PCDHA2: variants seen among roughly 807,000 people sequenced by gnomAD.
The protein encoded by PCDHA2 is protocadherin alpha-2.
Under a neutral mutation model 66.0 loss-of-function variants are expected in PCDHA2, and 58 were observed. The ratio of observed to expected loss-of-function variants is 0.88; its 90% CI spans 0.71 to 1.09. The LOEUF (loss-of-function observed/expected upper bound fraction) is 1.09, where lower values mean the gene tolerates loss of function less well. PCDHA2 is among the 50% of genes least tolerant of loss of function. The pLI is 0.00. For missense variants in PCDHA2, 1,267 were observed against 1,242.3 expected (o/e 1.02, Z -0.30); for synonymous variants, 634 against 554.0 (o/e 1.14, Z -2.03).
intron 1 of PCDHA2, chr5:140,821,727 A>G: frequency 6.6e-7 from 1 of 1,508,774 alleles, no homozygotes; most frequent in Middle Eastern, 1.8e-4. Flanking sequence ...TTTACAAAAT[A>G]CATTGTGTGG....
rs1354024446 is a variant in PCDHA2 at position 140,846,271 on chromosome 5, C to G, written c.2388+48919C>G. Among the ~76,000 whole-genome samples the G allele has an allele frequency of 2.0e-5, 3 of 148,444 alleles. 1 individual carries two copies. The highest frequency in any genetic ancestry group is 3.0e-5 in the Non-Finnish European group (2 of 66,608). Reference sequence around the variant, plus strand: ...TAATGTTTTGATGATGATTTAAAGTCAATTTATGTTGTAGTTCTATGAATT... The same window carrying G: ...TAATGTTTTGATGATGATTTAAAGTGAATTTATGTTGTAGTTCTATGAATT... On this transcript the variant is annotated intron_variant, in intron 1 of 3. Coordinates refer to ENST00000526136, the MANE Select transcript of PCDHA2 (RefSeq NM_018905.3).
chr5:140,997,675 TG>T (rs1554255972), intron 3 of PCDHA2, among the ~76,000 whole-genome samples: 41 of 151,686 alleles, frequency 2.7e-4, no homozygotes, highest in African/African-American at 9.7e-4. Flanking sequence ...AGCTTGTGTG[TG>T]TGTGTGTGTG....
intron 1 of PCDHA2, chr5:140,825,789 T>C (rs2150076169): frequency 6.6e-6 from 1 of 152,576 alleles, no homozygotes; most frequent in East Asian, 1.9e-4. Flanking sequence ...TATATTTTGG[T>C]TGGGAAATTT....
At chr5:140,827,484 G>A (rs1007754515) in intron 1 of PCDHA2, among the ~76,000 whole-genome samples, 37 of 152,134 alleles carry the variant, frequency 2.4e-4, no homozygotes, top group African/African-American at 8.5e-4. Flanking sequence ...AACAAAGAAA[G>A]CATGGACTTC....
chr5:140,956,464 A>C (rs1340273443), intron 1 of PCDHA2, among the ~76,000 whole-genome samples: 1 of 152,148 alleles, frequency 6.6e-6, no homozygotes, highest in Admixed American at 6.6e-5. Flanking sequence ...ATTGATTTGC[A>C]TATGTTGAAC....
At chr5:141,003,324 C>T (rs909788744) in intron 3 of PCDHA2, among the ~76,000 whole-genome samples, 4 of 152,132 alleles carry the variant, frequency 2.6e-5, no homozygotes, top group African/African-American at 9.7e-5. Flanking sequence ...TTCCAGAGGG[C>T]AGGGTTTTTT....
chr5:140,943,800 A>G (rs1470801059), intron 1 of PCDHA2, among the ~76,000 whole-genome samples: 1 of 152,218 alleles, frequency 6.6e-6, no homozygotes, highest in East Asian at 1.9e-4. Flanking sequence ...GCAAAGCAAA[A>G]GAGGAAAGTT....
rs139331486 is a variant in PCDHA2, at chr5:140,836,143, C to T, written c.2388+38791C>T. On this transcript the variant is annotated intron_variant, in intron 1 of 3. Coordinates refer to ENST00000526136, the MANE Select transcript of PCDHA2 (RefSeq NM_018905.3). ...GAGCTTGTGCCGCGGTCTGTGGGCG[C>T]GGGCCATGTGGTGGCGAAGGTACGT... 75 of 1,613,760 alleles carry T rather than the reference C, an allele frequency of 4.6e-5. 1 individual carries two copies. In the African/African-American group the frequency reaches 7.6e-4, roughly 16 times the overall value.
chr5:140,906,486 A>C (rs2072686991), intron 1 of PCDHA2, among the ~76,000 whole-genome samples: 1 of 152,270 alleles, frequency 6.6e-6, no homozygotes, highest in East Asian at 1.9e-4. Context: ...GTATAAATGC[A>C]CAAACATGTT....
At chr5:140,969,470 T>G in intron 1 of PCDHA2, 1 of 1,483,706 alleles carries the variant, frequency 6.7e-7, no homozygotes, top group African/African-American at 1.4e-5. Context: ...TATCCACAAT[T>G]TGATCATAAT....
chr5:140,858,128 G>A (rs782090771), intron 1 of PCDHA2: 11 of 1,597,872 alleles, frequency 6.9e-6, no homozygotes, highest in Non-Finnish European at 9.4e-6. Context: ...CCTGGTGGAT[G>A]TCAACGTGTA....
intron 1 of PCDHA2, chr5:140,848,587 T>C (rs2150413508): frequency 6.3e-7 from 1 of 1,594,838 alleles, no homozygotes; most frequent in Non-Finnish European, 8.6e-7. Flanking sequence ...AGCGGCCAGC[T>C]CCACTACTCC....
chr5:140,801,808 A>T, intron 1 of PCDHA2: 1 of 1,614,124 alleles, frequency 6.2e-7, no homozygotes, highest in Non-Finnish European at 8.5e-7. Context: ...AATCGAGAGG[A>T]CACTCCTAAG....
rs782343997 is a variant in PCDHA2 at position 140,882,709 on chromosome 5, T to C, written c.2388+85357T>C. 6 of 1,614,022 alleles carry C rather than the reference T, an allele frequency of 3.7e-6. No homozygotes were observed. In the Admixed American group the frequency reaches 6.7e-5, roughly 18 times the overall value. ...GAATAATCATTGCAGAATCTAGACC[T>C]CCGGAAACTCGATTTCCACTAGATG... is the stretch of plus-strand genomic sequence containing the variant. On this transcript the variant is annotated intron_variant, in intron 1 of 3. Coordinates refer to ENST00000526136, the MANE Select transcript of PCDHA2 (RefSeq NM_018905.3).
intron 1 of PCDHA2, chr5:140,804,249 C>T (rs1477277450): frequency 6.6e-6 from 1 of 152,016 alleles, no homozygotes. Flanking sequence ...GGAAAAAAAT[C>T]GAGAATAACA....
chr5:140,853,840 A>G, intron 1 of PCDHA2: 1 of 986,846 alleles, frequency 1.0e-6, no homozygotes, highest in Non-Finnish European at 1.2e-6. Flanking sequence ...GAAATTTTAG[A>G]TCCATAGCCC....
chr5:140,816,485 G>A (rs1765913989), intron 1 of PCDHA2: 2 of 149,216 alleles, frequency 1.3e-5, no homozygotes, highest in African/African-American at 5.0e-5. Context: ...TATTTCTTTA[G>A]GTTTGGTTTC....
chr5:140,808,990 G>C (rs2879087), intron 1 of PCDHA2: 868,636 of 1,613,606 alleles, frequency 0.54, 235,525 homozygotes, highest in African/African-American at 0.7. Flanking sequence ...ATGCTGACTC[G>C]GGCTACAACG....
intron 1 of PCDHA2, chr5:140,871,318 G>A (rs546803828): frequency 9.9e-6 from 16 of 1,614,072 alleles, no homozygotes; most frequent in Middle Eastern, 1.7e-4. Context: ...GCCCACGCTG[G>A]TGTGCTCCCG....
Sources: allele counts gnomAD v4.1 joint callset (sites outside exome capture counted in the v4.1 genomes callset), GRCh38; gene constraint gnomAD v4.1.1; transcripts MANE v1.5; gene names NCBI Gene and HGNC (gene_info 2026-07-23, HGNC 2026-07-21).